The following STON1 variants were observed in gnomAD, a reference collection of about 807,000 sequenced individuals.
The protein encoded by STON1 is stonin 1, also known as stonin-1.
A neutral mutation model predicts 60.9 loss-of-function variants in STON1; 79 were observed. That is an observed-to-expected ratio of 1.30 (90% CI 1.08 to 1.56). The LOEUF (loss-of-function observed/expected upper bound fraction) is 1.56. Ranked by LOEUF, STON1 falls within the 40% of genes most tolerant of loss-of-function variation. The probability of loss-of-function intolerance (pLI) is 0.00; values close to 1 mark genes in which losing one functional copy is unlikely to be tolerated. For synonymous variants in STON1, 363 were observed against 306.9 expected, an observed-to-expected ratio of 1.18 and a Z score of -1.91; for missense variants, 1,166 against 858.9, an observed-to-expected ratio of 1.36 and a Z score of -4.47.
chr2:48,558,853 G>A (rs886236650), intron 1 of STON1, among the ~76,000 whole-genome samples: 1 of 152,136 alleles, frequency 6.6e-6, no homozygotes, highest in Non-Finnish European at 1.5e-5. Context: ...TCTTTCATTT[G>A]TTGTTTTCTC....
chr2:48,587,172 C>T (rs1310449837), intron 2 of STON1, among the ~76,000 whole-genome samples: 1 of 152,208 alleles, frequency 6.6e-6, no homozygotes, highest in Non-Finnish European at 1.5e-5. Context: ...TTTATAAAGG[C>T]TCATGCAGCC....
At position 48,581,010 on chromosome 2, in the gene STON1, C is replaced by G. The variant is rs1673847101; in HGVS notation, c.377C>G (p.Thr126Ser). ...ISGGESSLLP[T>S]RPTCLSHALL... Reference sequence around the variant, plus strand: ...GGAGGAGAATCTTCCTTACTGCCTACCAGACCAACATGTTTATCCCATGCC... The same window carrying G: ...GGAGGAGAATCTTCCTTACTGCCTAGCAGACCAACATGTTTATCCCATGCC... The change falls in exon 2 of 4, where the codon ACC becomes AGC. Residue 126 changes from threonine to serine, a missense_variant. By Grantham distance (58) the Thr-to-Ser change is moderately conservative (BLOSUM62 1). Coordinates refer to ENST00000404752, the MANE Select transcript of STON1 (RefSeq NM_006873.4). The G allele has an allele frequency of 1.3e-6, 2 of 1,573,114 alleles. No homozygotes were observed. Among genetic ancestry groups the G allele is most frequent in the Middle Eastern group, 1.7e-4 (1 of 5,848 alleles).
chr2:48,587,456 C>G (rs1339192751), intron 2 of STON1, among the ~76,000 whole-genome samples: 1 of 152,152 alleles, frequency 6.6e-6, no homozygotes, highest in East Asian at 1.9e-4. Flanking sequence ...CCACGCCTGG[C>G]TAATTTTCGT....
intron 1 of STON1, among the ~76,000 whole-genome samples, chr2:48,559,313 G>A (rs1030679050): frequency 6.6e-6 from 1 of 152,196 alleles, no homozygotes; most frequent in African/African-American, 2.4e-5. Context: ...CTTGCTCACA[G>A]TTCTGGAGGC....
At chr2:48,564,480 T>TTCCTTCTTCTTCTTC (rs1558604783) in intron 1 of STON1, among the ~76,000 whole-genome samples, 4 of 32,478 alleles carry the variant, frequency 1.2e-4, no homozygotes, top group African/African-American at 3.5e-4. Flanking sequence ...CTTCTTCTTC[T>TTCCTTCTTCTTCTTC]TTCTTCTTCT....
chr2:48,555,300 C>T (rs1292809880), intron 1 of STON1, among the ~76,000 whole-genome samples: 17 of 72,154 alleles, frequency 2.4e-4, no homozygotes, highest in African/African-American at 2.6e-4. Context: ...CCGGACGGGG[C>T]GGCTGGCCGG....
chr2:48,581,850 C>T lies in STON1; in HGVS notation c.1217C>T (p.Pro406Leu). 3 of 1,613,750 alleles carry T rather than the reference C, an allele frequency of 1.9e-6. No individual in the cohort carries two copies. Among genetic ancestry groups the T allele is most frequent in the Non-Finnish European group, 2.5e-6 (3 of 1,179,946 alleles). The stretch of plus-strand genomic sequence containing the variant: ...ATGAAGTTGCCAGCTGTTTCAAAAC[C>T]AAAAAAGAACTACGAGGAGCAAGAA... ...ELMKLPAVSK[P>L]KKNYEEQEIS... Residue 406 changes from proline to leucine, a missense_variant, in exon 2 of 4, where the codon CCA becomes CTA. By Grantham distance (98) the Pro-to-Leu change is moderately conservative. Coordinates refer to ENST00000404752, the MANE Select transcript of STON1 (RefSeq NM_006873.4).
intron 1 of STON1, among the ~76,000 whole-genome samples, chr2:48,571,048 G>T (rs994845899): frequency 6.6e-6 from 1 of 151,918 alleles, no homozygotes; most frequent in Non-Finnish European, 1.5e-5. Flanking sequence ...TAGAGACAGG[G>T]TTTCACCATG....
chr2:48,541,926 A>T (rs906707482), intron 1 of STON1, among the ~76,000 whole-genome samples: 5 of 152,124 alleles, frequency 3.3e-5, no homozygotes, highest in Non-Finnish European at 7.3e-5. Context: ...AAAAGATCTG[A>T]ATTTCCCAAC....
Position 48,580,951 on chromosome 2 carries a change from A to G in STON1, c.318A>G (p.Pro106=), listed in dbSNP as rs1398047346. 2 of 1,592,752 alleles carry G rather than the reference A, an allele frequency of 1.3e-6. No homozygotes were observed. Among genetic ancestry groups the G allele is most frequent in the South Asian group, 1.2e-5 (1 of 86,380 alleles). Residue 106 remains proline (P), a synonymous_variant, in exon 2 of 4, where the codon CCA becomes CCG. Transcript: ENST00000404752. The part of the protein sequence containing the change: ...KAGTHVLYPI[P]ESSSDSPLAI... ...GGACTCATGTGCTTTATCCTATTCC[A>G]GAATCATCTTCAGACAGCCCACTCG...
In STON1 at chr2:48,597,652, A is replaced by C. The variant is rs1205974388; in HGVS notation, c.*2350A>C. 1.3e-5 allele frequency: 2 copies of C among 152,634 alleles called. No individual in the cohort carries two copies. The highest frequency in any genetic ancestry group is 4.8e-5 in the African/African-American group (2 of 41,448). 9.5% of individuals were successfully genotyped at this position (152,634 alleles called of 1,614,324 possible). On this transcript the variant is annotated 3_prime_UTR_variant, in exon 4 of 4. Transcript: ENST00000404752. The stretch of plus-strand genomic sequence containing the variant: ...ATAGCAAAAGCTGGACTAAAGCCCA[A>C]ATGGATTGTCTGTGGCAATGCAGAA...
intron 1 of STON1, among the ~76,000 whole-genome samples, chr2:48,564,665 T>G (rs1403555773): frequency 7.1e-6 from 1 of 140,172 alleles, no homozygotes; most frequent in African/African-American, 2.8e-5. Flanking sequence ...TTCTTTCTTA[T>G]TTCTTCTTCT....
At chr2:48,575,337 T>G (rs11693429) in intron 1 of STON1, among the ~76,000 whole-genome samples, 52,026 of 152,010 alleles carry the variant, frequency 0.34, 9,068 homozygotes, top group East Asian at 0.43. Context: ...AGTGCAAATA[T>G]TTTTTCAAGA....
chr2:48,584,217 A>G lies in STON1; in HGVS notation c.1930+1654A>G, dbSNP rs140347080. Among the ~76,000 whole-genome samples the G allele has an allele frequency of 7.0e-4, 106 of 152,214 alleles. No homozygotes were observed. The East Asian group carries it at 0.016, about 24-fold the overall frequency. On this transcript the variant is annotated intron_variant, in intron 2 of 3. Transcript: ENST00000404752. ...GGCCCCTCCAGGCTGTGGACTTCAG[A>G]GGAAGCATTTTTCTTTGGGGTGGCC...
intron 1 of STON1, among the ~76,000 whole-genome samples, chr2:48,576,185 C>CTTTTT (rs34849002): frequency 0.023 from 1,464 of 63,114 alleles, 50 homozygotes; most frequent in East Asian, 0.029. Flanking sequence ...GTTTTCCTTT[C>CTTTTT]TTTTTTTTTT....
At position 48,581,261 on chromosome 2, in the gene STON1, A is replaced by T; in HGVS notation, c.628A>T (p.Arg210Ter). 6.6e-7 allele frequency: 1 copy of T among 1,518,188 alleles called. No individual in the cohort carries two copies. Among genetic ancestry groups the T allele is most frequent in the Non-Finnish European group, 8.8e-7 (1 of 1,137,756 alleles). 94.0% of individuals were successfully genotyped at this position (1,518,188 alleles called of 1,614,324 possible). A position where few individuals can be genotyped will look rare whatever the true frequency, so the allele number is the denominator to read the frequency against. ...PPGSKKMFSS[R>*]NKEMPIDQKS... ...AGGAAGCAAAAAGATGTTCTCATCAAGAAACAAGGAGATGCCTATTGACCA... is the reference window on the plus strand; with the variant it reads ...AGGAAGCAAAAAGATGTTCTCATCATGAAACAAGGAGATGCCTATTGACCA... The change falls in exon 2 of 4, where the codon AGA becomes TGA. Residue 210 changes from arginine (R) to a stop codon, truncating the protein, a stop_gained. Coordinates refer to ENST00000404752, the MANE Select transcript of STON1 (RefSeq NM_006873.4). LOFTEE classifies it high-confidence loss of function.
chr2:48,564,597 C>CTT (rs1672839950), intron 1 of STON1, among the ~76,000 whole-genome samples: 1 of 71,540 alleles, frequency 1.4e-5, no homozygotes, highest in African/African-American at 4.7e-5. Context: ...CCTCCTCCTC[C>CTT]TCCTCCTTCT....
chr2:48,591,898 A>G, intron 3 of STON1, 43 bp downstream of exon 3: 2 of 1,599,118 alleles, frequency 1.3e-6, no homozygotes, highest in Non-Finnish European at 1.7e-6. Context: ...ATTTGGCTTT[A>G]AATATTTGTT....
intron 1 of STON1, among the ~76,000 whole-genome samples, chr2:48,565,045 CTTTTTTT>C (rs35791710): frequency 1.2e-4 from 10 of 86,508 alleles, no homozygotes; most frequent in Non-Finnish European, 1.1e-4. Context: ...CCGGCTTCTT[CTTTTTTT>C]TTTTTTTTTT....
Sources: allele counts gnomAD v4.1 joint callset (sites outside exome capture counted in the v4.1 genomes callset), GRCh38; gene constraint gnomAD v4.1.1; transcripts MANE v1.5; gene names NCBI Gene and HGNC (gene_info 2026-07-23, HGNC 2026-07-21).